SFSWAP: variants seen among roughly 807,000 people sequenced by gnomAD.
SFSWAP encodes the protein splicing factor SWAP, also known as splicing factor, suppressor of white-apricot homolog.
SFSWAP carries 17 observed loss-of-function variants against 100.7 expected under a neutral mutation model. The observed-to-expected ratio is 0.17, with a 90% CI of 0.12 to 0.25. SFSWAP has a LOEUF of 0.25. SFSWAP is among the 10% of genes least tolerant of loss of function. SFSWAP has a pLI of 1.00. For missense variants in SFSWAP, 1,005 were observed against 1,262.6 expected, an observed-to-expected ratio of 0.80 and a Z score of 3.09; for synonymous variants, 504 against 510.1, an observed-to-expected ratio of 0.99 and a Z score of 0.16.
intron 9 of SFSWAP, 33 bp from the exon 10 acceptor site, chr12:131,755,353 T>A: frequency 6.7e-7 from 1 of 1,495,090 alleles, no homozygotes; most frequent in South Asian, 1.1e-5. Flanking sequence ...CTTGTCTTGG[T>A]AAATGACCCA....
At position 131,728,364 on chromosome 12, in the gene SFSWAP, T is replaced by C. The variant is rs1450664434; in HGVS notation, c.1017T>C (p.Thr339=). 6.2e-7 allele frequency: 1 copy of C among 1,614,188 alleles called. No individual in the cohort carries two copies. Among genetic ancestry groups the C allele is most frequent in the Admixed American group, 1.7e-5 (1 of 60,022 alleles). ...GTAAGGCACAGGCTGACAGTTCCACTCCCACCCCACACAACGCAGACGGTG... is the reference window on the plus strand; with the variant it reads ...GTAAGGCACAGGCTGACAGTTCCACCCCCACCCCACACAACGCAGACGGTG... ...LVRKAQADSS[T]PTPHNADGAP... The change falls in exon 7 of 18, where the codon ACT becomes ACC. Residue 339 remains threonine (T), a synonymous_variant. Transcript: ENST00000261674.
chr12:131,796,012 A>G (rs1360799093), intron 15 of SFSWAP: 1 of 6,230 alleles, frequency 1.6e-4, no homozygotes, highest in Non-Finnish European at 2.9e-4. Flanking sequence ...AGGGGAGGGG[A>G]GGGGAGAGGG....
In SFSWAP at chr12:131,766,400, C is replaced by T. The variant is rs1593166612; in HGVS notation, c.2142+92C>T. ...TCCCTCCAGCTGCCCTAGTCTCTGG[C>T]CTGAGTGAGGGATATGAGCTCCCAG... On this transcript the variant is annotated intron_variant, in intron 13 of 17. Transcript: ENST00000261674. 14 of 1,189,900 alleles carry T rather than the reference C, an allele frequency of 1.2e-5. No individual in the cohort carries two copies. In the East Asian group the frequency reaches 3.3e-4, roughly 28 times the overall value. 73.7% of individuals were successfully genotyped at this position (1,189,900 alleles called of 1,614,324 possible).
At chr12:131,793,692 G>C (rs1171542098) in intron 15 of SFSWAP, among the ~76,000 whole-genome samples, 1 of 152,170 alleles carries the variant, frequency 6.6e-6, no homozygotes, top group Admixed American at 6.5e-5. Flanking sequence ...TGCTGCATGT[G>C]TCTCTGACAA....
intron 4 of SFSWAP, among the ~76,000 whole-genome samples, chr12:131,724,093 T>A (rs1011273284): frequency 3.3e-5 from 5 of 152,228 alleles, no homozygotes; most frequent in Non-Finnish European, 7.3e-5. Flanking sequence ...TAGCCAACCT[T>A]GAAATATGTC....
At chr12:131,783,821 T>TATATATATATATATATATATATATATAA (rs57488564) in intron 14 of SFSWAP, 1 of 131,656 alleles carries the variant, frequency 7.6e-6, no homozygotes, top group Non-Finnish European at 1.6e-5. Context: ...TATATATATA[T>TATATATATATATATATATATATATATAA]AATTCTTTGT....
rs757379030 is a variant in SFSWAP, at chr12:131,725,964, C to T, written c.832+334C>T. Among the ~76,000 whole-genome samples the T allele has an allele frequency of 1.3e-5, 2 of 152,168 alleles. No homozygotes were observed. The highest frequency in any genetic ancestry group is 2.1e-4 in the South Asian group (1 of 4,832). ...CATAGAGAAAACAGTTATATATCCT[C>T]TCTTGGATTATTCAAGTACCACAGT... On this transcript the variant is annotated intron_variant, in intron 5 of 17. Coordinates refer to ENST00000261674, the MANE Select transcript of SFSWAP (RefSeq NM_004592.4). The surrounding 1 kb of genome is among the most constrained non-coding windows in gnomAD (Gnocchi z 4.3).
At chr12:131,776,725 A>G (rs1884055622) in intron 13 of SFSWAP, among the ~76,000 whole-genome samples, 1 of 152,214 alleles carries the variant, frequency 6.6e-6, no homozygotes, top group South Asian at 2.1e-4. Flanking sequence ...GTCCCACCCC[A>G]GCACCTAACC....
At chr12:131,765,668 C>G (rs2895143) in intron 12 of SFSWAP, among the ~76,000 whole-genome samples, 26,744 of 151,696 alleles carry the variant, frequency 0.18, 3,088 homozygotes, top group Non-Finnish European at 0.25. Flanking sequence ...AAAAAAAAAG[C>G]CATTTTTCAA....
rs758176217 is a variant in SFSWAP at position 131,766,188 on chromosome 12, A to T, written c.2022A>T (p.Ser674=). The change falls in exon 13 of 18, where the codon TCA becomes TCT. Residue 674 remains serine (S), a synonymous_variant. Coordinates refer to ENST00000261674, the MANE Select transcript of SFSWAP (RefSeq NM_004592.4). ...AGCTGGCCCAGGCGTCTAAGGAGTC[A>T]AAAGAGAAACAGCTTCAAGCAGAAC... ...REKLAQASKE[S]KEKQLQAERK... The T allele has an allele frequency of 1.2e-6, 2 of 1,614,190 alleles. No individual in the cohort carries two copies. Among genetic ancestry groups the T allele is most frequent in the East Asian group, 4.5e-5 (2 of 44,886 alleles).
At chr12:131,781,292 C>T (rs1161425033) in intron 14 of SFSWAP, among the ~76,000 whole-genome samples, 1 of 141,550 alleles carries the variant, frequency 7.1e-6, no homozygotes, top group Non-Finnish European at 1.5e-5. Context: ...GGCTGGAGTG[C>T]AGTGGCGCGA....
chr12:131,789,088 C>T (rs1165104581), intron 15 of SFSWAP, among the ~76,000 whole-genome samples: 1 of 152,172 alleles, frequency 6.6e-6, no homozygotes, highest in Non-Finnish European at 1.5e-5. Context: ...TCAACTCGTC[C>T]TCCCACCTCA....
At chr12:131,762,717 C>T (rs1001351349) in intron 11 of SFSWAP, among the ~76,000 whole-genome samples, 1 of 152,144 alleles carries the variant, frequency 6.6e-6, no homozygotes, top group Non-Finnish European at 1.5e-5. Context: ...TCCCCTGTCT[C>T]AGCCTCCCAA....
In SFSWAP at chr12:131,715,570, A is replaced by G. The variant is rs537564976; in HGVS notation, c.520+617A>G. Among the ~76,000 whole-genome samples, 4 of 152,380 alleles carry G rather than the reference A, an allele frequency of 2.6e-5. No homozygotes were observed. In the South Asian group the frequency reaches 8.3e-4, roughly 32 times the overall value. On this transcript the variant is annotated intron_variant, in intron 3 of 17. Transcript: ENST00000261674. ...AAACCTGGGCTCGTGTAGTATAGAC[A>G]CAAATATCCTCAATCACTTCACTAA...
intron 16 of SFSWAP, among the ~76,000 whole-genome samples, chr12:131,798,804 T>C (rs1465903833): frequency 1.3e-5 from 2 of 151,914 alleles, no homozygotes; most frequent in African/African-American, 2.4e-5. Flanking sequence ...GCAGGAGAAT[T>C]GCTTGAATCT....
chr12:131,744,408 A>G (rs571255662), intron 7 of SFSWAP, among the ~76,000 whole-genome samples: 56 of 152,340 alleles, frequency 3.7e-4, no homozygotes, highest in Admixed American at 1.5e-3. Context: ...AGTTCCACAG[A>G]TCTCTAGGGC....
At chr12:131,713,845 A>G (rs753179212) in intron 1 of SFSWAP, 1 of 339,860 alleles carries the variant, frequency 2.9e-6, no homozygotes, top group Non-Finnish European at 5.3e-6. Context: ...TACTGTGGAA[A>G]GGAATTTAGA....
rs778058994 is a variant in SFSWAP, at chr12:131,799,512, CGGGAGGCTGCGT to C, written c.*28_*39del. 4 of 1,609,786 alleles carry C rather than the reference CGGGAGGCTGCGT, an allele frequency of 2.5e-6. No homozygotes were observed. In the East Asian group the frequency reaches 8.9e-5, roughly 36 times the overall value. On this transcript the variant is annotated 3_prime_UTR_variant, in exon 18 of 18. Transcript: ENST00000261674. The stretch of plus-strand genomic sequence containing the variant: ...GAGACGGGGCCAGCGGAGGCAGAGC[CGGGAGGCTGCGT>C]GGGCTTCTGGGCAGGCTCACGCAGA...
chr12:131,768,104 G>A (rs1247335503), intron 13 of SFSWAP, among the ~76,000 whole-genome samples: 1 of 152,204 alleles, frequency 6.6e-6, no homozygotes, highest in Non-Finnish European at 1.5e-5. Context: ...GAGAGTCGTT[G>A]CATATGTGGT....
Sources: allele counts gnomAD v4.1 joint callset (sites outside exome capture counted in the v4.1 genomes callset), GRCh38; gene constraint gnomAD v4.1.1; non-coding constraint Gnocchi (gnomAD v3.1); transcripts MANE v1.5; gene names NCBI Gene and HGNC (gene_info 2026-07-23, HGNC 2026-07-21).